FANCC: variants seen among roughly 807,000 people sequenced by gnomAD.
The protein encoded by FANCC is FA complementation group C.
FANCC carries 55 observed loss-of-function variants against 71.3 expected under a neutral mutation model. That is an observed-to-expected ratio of 0.77 (90% CI 0.62 to 0.97). FANCC has a LOEUF of 0.97. Among genes scored for constraint, FANCC ranks in the 50% least tolerant of loss-of-function variants. The probability of loss-of-function intolerance (pLI) is 0.00; values close to 1 mark genes in which losing one functional copy is unlikely to be tolerated. For missense variants in FANCC, 678 were observed against 670.9 expected (o/e 1.01, Z -0.12); for synonymous variants, 275 against 244.9 (o/e 1.12, Z -1.15).
chr9:95,111,468 T>G lies in FANCC; in HGVS notation c.1324A>C (p.Thr442Pro). 1 of 1,612,822 alleles carries G rather than the reference T, an allele frequency of 6.2e-7. No individual in the cohort carries two copies. Among genetic ancestry groups the G allele is most frequent in the Non-Finnish European group, 8.5e-7 (1 of 1,179,996 alleles). The part of the protein sequence containing the change: ...PRDGRQQRAQ[T>P]MVQVKAVLGH... ...CAGTGGGGCCTGCTACCCACCATAG[T>G]CTGTGCTCTCTGCTGCCTCCCATCA... is the stretch of plus-strand genomic sequence containing the variant. The change falls in exon 13 of 15, where the codon ACT (threonine) becomes CCT (proline). Residue 442 changes from threonine to proline, a missense_variant. Transcript: ENST00000289081.
At chr9:95,137,734 C>T (rs993398046) in intron 7 of FANCC, among the ~76,000 whole-genome samples, 1 of 152,136 alleles carries the variant, frequency 6.6e-6, no homozygotes, top group Non-Finnish European at 1.5e-5. Flanking sequence ...GTGTCAGAAC[C>T]CCAAGGGAGG....
At chr9:95,289,677 G>A in intron 1 of FANCC, among the ~76,000 whole-genome samples, 1 of 152,054 alleles carries the variant, frequency 6.6e-6, no homozygotes, top group East Asian at 1.9e-4. Flanking sequence ...CTGAGACAGG[G>A]TCTTGCTCTG....
intron 2 of FANCC, among the ~76,000 whole-genome samples, chr9:95,248,024 A>AT (rs1293238286): frequency 1.3e-5 from 2 of 152,228 alleles, no homozygotes; most frequent in East Asian, 3.8e-4. Context: ...CAAAGCATAA[A>AT]TGTATATATC....
At chr9:95,112,065 G>A (rs187985618) in intron 12 of FANCC, among the ~76,000 whole-genome samples, 1 of 152,354 alleles carries the variant, frequency 6.6e-6, no homozygotes, top group East Asian at 1.9e-4. Context: ...GCAAAGTTCA[G>A]GTGGATATTT....
At chr9:95,260,474 G>C (rs1410796285) in intron 1 of FANCC, among the ~76,000 whole-genome samples, 1 of 152,156 alleles carries the variant, frequency 6.6e-6, no homozygotes, top group Non-Finnish European at 1.5e-5. Context: ...TCACTCATAA[G>C]TGGGAGTCGA....
chr9:95,158,433 T>A (rs929812205), intron 6 of FANCC, among the ~76,000 whole-genome samples: 15 of 151,984 alleles, frequency 9.9e-5, no homozygotes, highest in Non-Finnish European at 2.1e-4. Context: ...TAAGAAGCGG[T>A]AGAGAACAGG....
At position 95,149,789 on chromosome 9, in the gene FANCC, G is replaced by C. The variant is rs1444959118; in HGVS notation, c.686+134C>G. 3.8e-6 allele frequency: 4 copies of C among 1,052,768 alleles called. No homozygotes were observed. In the African/African-American group the frequency reaches 4.8e-5, roughly 13 times the overall value. 65.2% of individuals were successfully genotyped at this position (1,052,768 alleles called of 1,614,324 possible). A position where few individuals can be genotyped will look rare whatever the true frequency, so the allele number is the denominator to read the frequency against. Reference sequence around the variant, plus strand: ...CCACCACACCTGGCCGGGATACTCAGTAATTTTTAAGAGTATAAAGGGTAC... The same window carrying C: ...CCACCACACCTGGCCGGGATACTCACTAATTTTTAAGAGTATAAAGGGTAC... On this transcript the variant is annotated intron_variant, in intron 7 of 14. Transcript: ENST00000289081.
At chr9:95,267,173 G>A (rs1442760163) in intron 1 of FANCC, among the ~76,000 whole-genome samples, 1 of 152,112 alleles carries the variant, frequency 6.6e-6, no homozygotes, top group East Asian at 1.9e-4. Context: ...GCTAAACAGA[G>A]GCACAAACGA....
chr9:95,170,322 G>C (rs1409188513), intron 6 of FANCC, among the ~76,000 whole-genome samples: 1 of 151,094 alleles, frequency 6.6e-6, no homozygotes, highest in African/African-American at 2.4e-5. Context: ...TAGTTTAAGG[G>C]TTAGGTGCAA....
intron 4 of FANCC, among the ~76,000 whole-genome samples, chr9:95,202,460 G>A (rs1255314339): frequency 1.3e-5 from 2 of 152,200 alleles, no homozygotes; most frequent in Non-Finnish European, 2.9e-5. Flanking sequence ...GGGCAGGGCT[G>A]CCTCTAGAAC....
intron 6 of FANCC, among the ~76,000 whole-genome samples, chr9:95,170,281 T>C (rs1727335718): frequency 1.3e-5 from 2 of 152,104 alleles, no homozygotes; most frequent in Non-Finnish European, 2.9e-5. Context: ...ATAATGAAGA[T>C]TATCTCCAAT....
At chr9:95,266,696 G>A (rs547762783) in intron 1 of FANCC, among the ~76,000 whole-genome samples, 18 of 152,138 alleles carry the variant, frequency 1.2e-4, no homozygotes, top group Admixed American at 9.2e-4. Flanking sequence ...TGAAACCTTT[G>A]TAGAGAACCA....
In FANCC at chr9:95,107,058, A is replaced by G. The variant is rs2134454126; in HGVS notation, c.1533+8T>C. On this transcript the variant is annotated splice_region_variant and intron_variant, in intron 14 of 14. Coordinates refer to ENST00000289081, the MANE Select transcript of FANCC (RefSeq NM_000136.3). ...AGTACTAGGATGCTGGACCACAGGG[A>G]GACTTACCAGGGTGATGACATCCCA... 1.2e-6 allele frequency: 2 copies of G among 1,614,086 alleles called. No individual in the cohort carries two copies. The highest frequency in any genetic ancestry group is 1.7e-6 in the Non-Finnish European group (2 of 1,179,942).
chr9:95,316,207 T>G (rs768725248), intron 1 of FANCC, among the ~76,000 whole-genome samples: 2 of 152,250 alleles, frequency 1.3e-5, no homozygotes, highest in Non-Finnish European at 2.9e-5. Context: ...AGATCTCTGA[T>G]ATATCTAGGA....
intron 1 of FANCC, among the ~76,000 whole-genome samples, chr9:95,258,125 G>C (rs531879835): frequency 6.6e-6 from 1 of 152,138 alleles, no homozygotes; most frequent in African/African-American, 2.4e-5. Context: ...AGAGAAGCTG[G>C]TACCATTCCT....
intron 12 of FANCC, among the ~76,000 whole-genome samples, chr9:95,112,924 C>T (rs2072070354): frequency 6.6e-6 from 1 of 152,228 alleles, no homozygotes; most frequent in South Asian, 2.1e-4. Flanking sequence ...TTTGACATCA[C>T]ACATTCTGAG....
intron 7 of FANCC, among the ~76,000 whole-genome samples, chr9:95,142,288 C>G (rs1828875620): frequency 6.6e-6 from 1 of 151,834 alleles, no homozygotes; most frequent in South Asian, 2.1e-4. Flanking sequence ...CCACCGTGCC[C>G]GGCCACCAAC....
intron 6 of FANCC, among the ~76,000 whole-genome samples, chr9:95,151,649 C>CA (rs1830172913): frequency 6.6e-6 from 1 of 152,060 alleles, no homozygotes; most frequent in South Asian, 2.1e-4. Context: ...CTTCCAAGGC[C>CA]AGGGGTGGTG....
At chr9:95,312,905 G>A (rs1047357965) in intron 1 of FANCC, among the ~76,000 whole-genome samples, 1 of 152,216 alleles carries the variant, frequency 6.6e-6, no homozygotes, top group East Asian at 1.9e-4. Context: ...ACAACTTGCT[G>A]GAAAACCACC....
Sources: gnomAD v4.1 joint callset for allele counts (sites outside exome capture counted in the v4.1 genomes callset) on GRCh38, gnomAD v4.1.1 for gene constraint, MANE v1.5 for transcripts, NCBI Gene and HGNC (gene_info 2026-07-23, HGNC 2026-07-21) for gene names.